Variants in CCDC187 observed in about 807,000 individuals in gnomAD.
CCDC187 encodes coiled-coil domain-containing protein 187.
In CCDC187, 32 loss-of-function variants were observed where a neutral mutation model predicts 38.0. That is an observed-to-expected ratio of 0.84 (90% confidence interval 0.64 to 1.13). CCDC187 has a LOEUF of 1.13. Among genes scored for constraint, CCDC187 ranks in the 50% most tolerant of loss-of-function variants. The pLI is 0.00. For missense variants in CCDC187, 707 were observed against 786.8 expected, an observed-to-expected ratio of 0.90 and a Z score of 1.21; for synonymous variants, 333 against 347.9, an observed-to-expected ratio of 0.96 and a Z score of 0.48.
rs1023597999 is a variant in CCDC187, at chr9:136,292,241, G to A, written c.887C>T (p.Ser296Leu). ...AWRKGQALVR[S>L]LLGPPPVLRR... ...GAGGACGGGAGGGGGCCCAAGCAGC[G>A]ACCTCACCAGAGCTTGTCCCTTTCT... is the stretch of plus-strand genomic sequence containing the variant. Residue 296 changes from serine to leucine, a missense_variant, in exon 5 of 26, where the codon TCG becomes TTG. Coordinates refer to ENST00000638797, the MANE Select transcript of CCDC187 (RefSeq NM_001378188.1). 518 of 398,730 alleles carry A rather than the reference G, an allele frequency of 1.3e-3. No homozygotes were observed. Among genetic ancestry groups the A allele is most frequent in the Non-Finnish European group, 1.8e-3 (402 of 226,168 alleles). The allele number at this position is 398,730 out of a possible 1,614,324, so 24.7% of individuals were successfully genotyped here.
At chr9:136,297,497 T>A (rs1831564887) in intron 4 of CCDC187, among the ~76,000 whole-genome samples, 1 of 152,146 alleles carries the variant, frequency 6.6e-6, no homozygotes, top group African/African-American at 2.4e-5. Flanking sequence ...AACCACCTGC[T>A]GCTCCAGTGG....
intron 4 of CCDC187, among the ~76,000 whole-genome samples, chr9:136,297,238 C>A (rs1373877615): frequency 6.7e-6 from 1 of 149,754 alleles, no homozygotes; most frequent in South Asian, 2.1e-4. Flanking sequence ...TCCTGAGCTG[C>A]GGGTGCCATG....
chr9:136,293,338 C>G (rs1212604583), intron 4 of CCDC187, among the ~76,000 whole-genome samples: 1 of 150,158 alleles, frequency 6.7e-6, no homozygotes, highest in African/African-American at 2.5e-5. Context: ...CTTACACACT[C>G]ACACTCACAT....
intron 7 of CCDC187, among the ~76,000 whole-genome samples, chr9:136,288,704 G>A (rs1157649752): frequency 6.6e-6 from 1 of 152,236 alleles, no homozygotes; most frequent in Non-Finnish European, 1.5e-5. Context: ...GACCCCATGT[G>A]TGTGATTCAC....
chr9:136,288,212 C>T (rs1831227211), intron 7 of CCDC187, among the ~76,000 whole-genome samples: 1 of 152,164 alleles, frequency 6.6e-6, no homozygotes, highest in Admixed American at 6.5e-5. Context: ...GACCTGCGTC[C>T]TTGTCTTACT....
chr9:136,282,662 A>C (rs1831073065), intron 9 of CCDC187, among the ~76,000 whole-genome samples: 1 of 152,144 alleles, frequency 6.6e-6, no homozygotes, highest in Admixed American at 6.5e-5. Flanking sequence ...GGGGGTAGAC[A>C]CGCCCTCCCT....
chr9:136,293,858 AGT>A (rs1831451382), intron 4 of CCDC187, among the ~76,000 whole-genome samples: 66 of 150,492 alleles, frequency 4.4e-4, no homozygotes, highest in South Asian at 3.8e-3. Context: ...ACACACATTC[AGT>A]CTCATATGCT....
intron 17 of CCDC187, among the ~76,000 whole-genome samples, chr9:136,265,387 G>A (rs1312678655): frequency 7.2e-5 from 11 of 152,172 alleles, no homozygotes; most frequent in South Asian, 4.1e-4. Flanking sequence ...CCTGCCAGGC[G>A]CGGCTAGGGA....
rs1262317629 is a variant in CCDC187, at chr9:136,290,683, G to A, written c.1930C>T (p.Arg644Cys). The change falls in exon 6 of 26, where the codon CGC becomes TGC. Residue 644 changes from arginine to cysteine, a missense_variant. Coordinates refer to ENST00000638797, the MANE Select transcript of CCDC187 (RefSeq NM_001378188.1). ...CGCCGCCGGGCCTGCGCCTTCTGGC[G>A]CATGAACTCCCGCAAGGACTCAGAG... The part of the protein sequence containing the change: ...HSSESLREFM[R>C]QKAQARRRQA... 3.0e-5 allele frequency: 12 copies of A among 398,468 alleles called. No individual in the cohort carries two copies. Among genetic ancestry groups the A allele is most frequent in the East Asian group, 1.1e-4 (3 of 28,068 alleles). 24.7% of individuals were successfully genotyped at this position (398,468 alleles called of 1,614,324 possible).
intron 6 of CCDC187, 137 bp downstream of exon 6, chr9:136,290,349 G>A (rs935980943): frequency 1.0e-3 from 397 of 397,794 alleles, no homozygotes; most frequent in Non-Finnish European, 1.5e-3. Flanking sequence ...GCGACGCCAC[G>A]AAGTCCCCAG....
Position 136,257,551 on chromosome 9 carries a change from C to T in CCDC187, c.4367-710G>A, listed in dbSNP as rs370539460. 1.3e-3 allele frequency among the ~76,000 whole-genome samples: 197 copies of T among 152,264 alleles called. 6 individuals are homozygous for T. The East Asian group carries it at 0.031, about 24-fold the overall frequency. On this transcript the variant is annotated intron_variant, in intron 22 of 25. Coordinates refer to ENST00000638797, the MANE Select transcript of CCDC187 (RefSeq NM_001378188.1). The surrounding 1 kb of genome is among the most constrained non-coding windows in gnomAD (Gnocchi z 4.5). ...GCAGGCCTCGGACACAGCAAGGCCA[C>T]CAGTGCACCGCCGGGGATCACAAAG... is the stretch of plus-strand genomic sequence containing the variant.
At chr9:136,299,195 C>G (rs1271387737) in intron 3 of CCDC187, among the ~76,000 whole-genome samples, 10 of 152,164 alleles carry the variant, frequency 6.6e-5, no homozygotes, top group Non-Finnish European at 2.9e-5. Context: ...AGTTCCCCGG[C>G]AACTGTGGGG....
chr9:136,263,378 G>A (rs36107641), intron 18 of CCDC187, among the ~76,000 whole-genome samples: 20,382 of 152,008 alleles, frequency 0.13, 1,514 homozygotes, highest in Admixed American at 0.21. Context: ...GGGACCACAG[G>A]CACCCACCAC....
chr9:136,295,544 C>T (rs1013341372), intron 4 of CCDC187, among the ~76,000 whole-genome samples: 1 of 152,200 alleles, frequency 6.6e-6, no homozygotes, highest in Non-Finnish European at 1.5e-5. Context: ...TATCAGGCTT[C>T]ATTTTCCTTT....
In CCDC187 at chr9:136,254,983, G is replaced by A. The variant is rs1257245596; in HGVS notation, c.4845C>T (p.Thr1615=). 2.2e-5 allele frequency: 22 copies of A among 985,400 alleles called. No homozygotes were observed. The highest frequency in any genetic ancestry group is 5.2e-4 in the Middle Eastern group (1 of 1,938). The allele number at this position is 985,400 out of a possible 1,614,324, so 61.0% of individuals were successfully genotyped here. Residue 1615 remains threonine (T), a synonymous_variant, in exon 26 of 26, where the codon ACC becomes ACT. Coordinates refer to ENST00000638797, the MANE Select transcript of CCDC187 (RefSeq NM_001378188.1). ...GGCTGCTCACAGAGCCTGCTGGGGA[G>A]GTGTGGGATGACACCGTGGCTTCTT... ...PSEEATVSSH[T]SPAGSVSSLS...
chr9:136,274,402 G>A (rs1830891853), intron 14 of CCDC187, among the ~76,000 whole-genome samples: 1 of 152,270 alleles, frequency 6.6e-6, no homozygotes, highest in Non-Finnish European at 1.5e-5. Context: ...GATGGTGTCT[G>A]CCAGCTGTCT....
chr9:136,264,293 G>C lies in CCDC187; in HGVS notation c.3736-495C>G, dbSNP rs1554761357. 1 of 152,334 alleles carries C rather than the reference G, an allele frequency of 6.6e-6. No individual in the cohort carries two copies. Among genetic ancestry groups the C allele is most frequent in the Non-Finnish European group, 1.5e-5 (1 of 68,104 alleles). The allele number at this position is 152,334 out of a possible 1,614,324, so 9.4% of individuals were successfully genotyped here. On this transcript the variant is annotated intron_variant, in intron 17 of 25. Transcript: ENST00000638797. The surrounding 1 kb of genome is among the most constrained non-coding windows in gnomAD (Gnocchi z 4.3). ...GCGAGGCTCTGCCAAGCGGGTGTCT[G>C]GTCCATGGCCCCACTGGGGAGTCCC... is the stretch of plus-strand genomic sequence containing the variant.
intron 8 of CCDC187, chr9:136,285,825 A>C: frequency 2.5e-6 from 1 of 397,038 alleles, no homozygotes; most frequent in Non-Finnish European, 4.4e-6. Flanking sequence ...AGAGAACAAG[A>C]CAGGAGCAAT....
At position 136,264,457 on chromosome 9, in the gene CCDC187, C is replaced by T. The variant is rs1462931959; in HGVS notation, c.3736-659G>A. Among the ~76,000 whole-genome samples, 2 of 152,186 alleles carry T rather than the reference C, an allele frequency of 1.3e-5. No homozygotes were observed. Among genetic ancestry groups the T allele is most frequent in the East Asian group, 3.9e-4 (2 of 5,194 alleles). ...CTGTTCTGCCAGGCCCCGTCGTTGC[C>T]ATGTGACATGCAGACCCCTTCTAAG... On this transcript the variant is annotated intron_variant, in intron 17 of 25. Coordinates refer to ENST00000638797, the MANE Select transcript of CCDC187 (RefSeq NM_001378188.1). The surrounding 1 kb of genome is among the most constrained non-coding windows in gnomAD (Gnocchi z 4.3).
Sources: allele counts gnomAD v4.1 joint callset (sites outside exome capture counted in the v4.1 genomes callset), GRCh38; gene constraint gnomAD v4.1.1; non-coding constraint Gnocchi (gnomAD v3.1); transcripts MANE v1.5; gene names NCBI Gene and HGNC (gene_info 2026-07-23, HGNC 2026-07-21).